The following EHBP1 variants were observed in gnomAD, a reference collection of about 807,000 sequenced individuals.
EHBP1 encodes EH domain binding protein 1, also known as EH domain-binding protein 1.
Under a neutral mutation model 144.0 loss-of-function variants are expected in EHBP1, and 55 were observed. The ratio of observed to expected loss-of-function variants is 0.38; its 90% CI spans 0.31 to 0.48. The LOEUF (loss-of-function observed/expected upper bound fraction) is 0.48, where lower values mean the gene tolerates loss of function less well. EHBP1 is among the 20% of genes least tolerant of loss of function. The probability of loss-of-function intolerance (pLI) is 0.98; values close to 1 mark genes in which losing one functional copy is unlikely to be tolerated. For missense variants in EHBP1, 1,200 were observed against 1,364.2 expected, an observed-to-expected ratio of 0.88 and a Z score of 1.90; for synonymous variants, 469 against 472.7, an observed-to-expected ratio of 0.99 and a Z score of 0.10.
intron 12 of EHBP1, among the ~76,000 whole-genome samples, chr2:62,947,950 T>C (rs2057158355): frequency 6.6e-6 from 1 of 152,206 alleles, no homozygotes; most frequent in African/African-American, 2.4e-5. Flanking sequence ...CAATATGGAT[T>C]AGTCTAATGT....
At chr2:62,772,248 C>T (rs931309266) in intron 5 of EHBP1, 3 of 148,908 alleles carry the variant, frequency 2.0e-5, no homozygotes, top group African/African-American at 5.0e-5. Context: ...GAAGGAAGGG[C>T]GGGGCTTTAA....
intron 2 of EHBP1, among the ~76,000 whole-genome samples, chr2:62,715,403 C>T (rs1208899241): frequency 2.0e-5 from 3 of 151,862 alleles, no homozygotes; most frequent in South Asian, 2.1e-4. Flanking sequence ...TGTGAGCCAC[C>T]GTGCCCAGCC....
chr2:62,793,343 C>T (rs975341794), intron 5 of EHBP1, among the ~76,000 whole-genome samples: 4 of 152,134 alleles, frequency 2.6e-5, no homozygotes, highest in East Asian at 3.9e-4. Context: ...CCTCCATTTC[C>T]GCTGCAGTGA....
rs2061905370 is a variant in EHBP1, at chr2:63,045,238, G to A, written c.3392+58G>A. 1 of 1,498,502 alleles carries A rather than the reference G, an allele frequency of 6.7e-7. No homozygotes were observed. The highest frequency in any genetic ancestry group is 1.2e-5 in the South Asian group (1 of 83,136). The allele number at this position is 1,498,502 out of a possible 1,614,324, so 92.8% of individuals were successfully genotyped here. A position where few individuals can be genotyped will look rare whatever the true frequency, so the allele number is the denominator to read the frequency against. The stretch of plus-strand genomic sequence containing the variant: ...GCCACCTGCCGAGGGGCCGAGAAGT[G>A]TGCGGAAAGTTCAATCCAGAGGTCG... On this transcript the variant is annotated intron_variant, in intron 22 of 22. Coordinates refer to ENST00000431489, the MANE Select transcript of EHBP1 (RefSeq NM_001142616.3). The surrounding 1 kb of genome is among the most constrained non-coding windows in gnomAD (Gnocchi z 5.7).
At chr2:62,885,414 A>G (rs1040206297) in intron 10 of EHBP1, among the ~76,000 whole-genome samples, 2 of 152,066 alleles carry the variant, frequency 1.3e-5, no homozygotes, top group South Asian at 4.1e-4. Flanking sequence ...ACAGCTTAAG[A>G]AAAAAGATCA....
intron 15 of EHBP1, among the ~76,000 whole-genome samples, chr2:62,984,064 TG>T (rs58755735): frequency 0.035 from 5,300 of 152,296 alleles, 324 homozygotes; most frequent in African/African-American, 0.12. Context: ...TCCCATCTTT[TG>T]TTTGATTTCT....
intron 2 of EHBP1, among the ~76,000 whole-genome samples, chr2:62,724,069 C>A (rs1357844594): frequency 6.6e-6 from 1 of 152,186 alleles, no homozygotes; most frequent in Non-Finnish European, 1.5e-5. Flanking sequence ...AATACGTTTT[C>A]CGAGTTGCTT....
At chr2:62,779,233 A>T (rs754409769) in intron 5 of EHBP1, among the ~76,000 whole-genome samples, 3 of 152,132 alleles carry the variant, frequency 2.0e-5, no homozygotes, top group Non-Finnish European at 4.4e-5. Flanking sequence ...CAGTTAACTT[A>T]CTTGAACCTA....
intron 1 of EHBP1, among the ~76,000 whole-genome samples, chr2:62,682,154 A>T (rs2033552766): frequency 6.6e-6 from 1 of 152,278 alleles, no homozygotes; most frequent in Non-Finnish European, 1.5e-5. Flanking sequence ...AAGGATGTGG[A>T]GGACATGCCT....
intron 7 of EHBP1, among the ~76,000 whole-genome samples, chr2:62,844,018 C>T (rs1349795240): frequency 1.3e-5 from 2 of 152,100 alleles, no homozygotes; most frequent in Non-Finnish European, 2.9e-5. Context: ...GCATAAAGTG[C>T]AATTGCATTA....
intron 14 of EHBP1, among the ~76,000 whole-genome samples, chr2:62,968,336 C>T (rs1359258141): frequency 6.6e-6 from 1 of 152,030 alleles, no homozygotes. Context: ...TAAGAGACAA[C>T]TTGTAGAATC....
chr2:63,001,789 C>T (rs1225157880), intron 19 of EHBP1, among the ~76,000 whole-genome samples: 3 of 152,164 alleles, frequency 2.0e-5, no homozygotes, highest in Non-Finnish European at 4.4e-5. Context: ...TGGAGCCTGA[C>T]TCCCAGATAC....
At chr2:62,863,059 G>A (rs1169511973) in intron 8 of EHBP1, among the ~76,000 whole-genome samples, 2 of 152,112 alleles carry the variant, frequency 1.3e-5, no homozygotes, top group South Asian at 2.1e-4. Context: ...GAGGCAGGTG[G>A]ATCACTTGAG....
At chr2:62,916,687 A>G (rs1157028577) in intron 10 of EHBP1, among the ~76,000 whole-genome samples, 2 of 150,066 alleles carry the variant, frequency 1.3e-5, no homozygotes, top group Non-Finnish European at 3.0e-5. Context: ...ACTAATAGCT[A>G]TTTTTCCATA....
intron 1 of EHBP1, among the ~76,000 whole-genome samples, chr2:62,685,095 G>A (rs1427017794): frequency 6.6e-6 from 1 of 152,052 alleles, no homozygotes; most frequent in Non-Finnish European, 1.5e-5. Flanking sequence ...TTTTTACAAG[G>A]TATATTGGAC....
chr2:62,840,451 A>T (rs1182479259), intron 7 of EHBP1, among the ~76,000 whole-genome samples: 1 of 145,706 alleles, frequency 6.9e-6, no homozygotes, highest in African/African-American at 2.6e-5. Context: ...TGTCCAAAAC[A>T]CCAAAAGCAA....
chr2:62,875,783 A>C (rs1419422320), intron 10 of EHBP1, among the ~76,000 whole-genome samples: 1 of 152,254 alleles, frequency 6.6e-6, no homozygotes, highest in Non-Finnish European at 1.5e-5. Context: ...ATTTTATGAA[A>C]GAACCAAAAT....
chr2:62,829,437 T>G (rs528723470), intron 6 of EHBP1, among the ~76,000 whole-genome samples: 1 of 151,922 alleles, frequency 6.6e-6, no homozygotes, highest in African/African-American at 2.4e-5. Flanking sequence ...TAGCTCCCAC[T>G]TACACGTGAG....
rs1364905034 is a variant in EHBP1 at position 62,854,483 on chromosome 2, TC to T, written c.635-4684del. 1.9e-4 allele frequency among the ~76,000 whole-genome samples: 29 copies of T among 152,206 alleles called. 1 individual carries two copies. Among genetic ancestry groups the T allele is most frequent in the Admixed American group, 1.9e-3 (29 of 15,288 alleles). ...TTTAAAGGGAGAGACATACAACTCTTCCTTTCATTTGAACACTTAGTGGCCT... is the reference window on the plus strand; with the variant it reads ...TTTAAAGGGAGAGACATACAACTCTTCTTTCATTTGAACACTTAGTGGCCT... On this transcript the variant is annotated intron_variant, in intron 7 of 22. Transcript: ENST00000431489.
Sources: gnomAD v4.1 joint callset for allele counts (sites outside exome capture counted in the v4.1 genomes callset) on GRCh38, gnomAD v4.1.1 for gene constraint, Gnocchi (gnomAD v3.1) non-coding constraint, MANE v1.5 for transcripts, NCBI Gene and HGNC (gene_info 2026-07-23, HGNC 2026-07-21) for gene names.